Variants in PDE10A observed in about 807,000 individuals in gnomAD.
The protein encoded by PDE10A is cAMP and cAMP-inhibited cGMP 3',5'-cyclic phosphodiesterase 10A.
In PDE10A, 39 loss-of-function variants were observed where a neutral mutation model predicts 97.7. That is an observed-to-expected ratio of 0.40 (90% CI 0.31 to 0.52). The LOEUF (loss-of-function observed/expected upper bound fraction) is 0.52. Ranked by LOEUF, PDE10A falls within the 20% of genes least tolerant of loss-of-function variation. The pLI is 0.56. For missense variants in PDE10A, 731 were observed against 1,047.8 expected (o/e 0.70, Z 4.17); for synonymous variants, 371 against 376.8 (o/e 0.98, Z 0.18).
At chr6:165,794,299 C>G (rs528217235) in intron 1 of PDE10A, among the ~76,000 whole-genome samples, 3 of 151,922 alleles carry the variant, frequency 2.0e-5, no homozygotes, top group Non-Finnish European at 4.4e-5. Flanking sequence ...CCCTCCCACA[C>G]TCACACACGC....
At chr6:165,433,900 C>A (rs1278555934) in intron 6 of PDE10A, among the ~76,000 whole-genome samples, 3 of 151,090 alleles carry the variant, frequency 2.0e-5, no homozygotes, top group Non-Finnish European at 4.4e-5. Flanking sequence ...GCCTGTAGTC[C>A]CAGCTATTCG....
chr6:165,971,552 A>C (rs1784675728), intron 1 of PDE10A, among the ~76,000 whole-genome samples: 2 of 152,182 alleles, frequency 1.3e-5, no homozygotes, highest in African/African-American at 4.8e-5. Flanking sequence ...TTTCATTTTC[A>C]TTTCTCTCTT....
intron 1 of PDE10A, among the ~76,000 whole-genome samples, chr6:165,838,104 C>A (rs1780117964): frequency 6.6e-6 from 1 of 152,212 alleles, no homozygotes; most frequent in South Asian, 2.1e-4. Context: ...TGTAAACCTA[C>A]TGTAATTGTA....
intron 1 of PDE10A, among the ~76,000 whole-genome samples, chr6:165,551,826 A>C (rs1784030883): frequency 6.6e-6 from 1 of 152,228 alleles, no homozygotes; most frequent in African/African-American, 2.4e-5. Context: ...AGGTGGAAAG[A>C]AATCTTTGTA....
At chr6:165,644,357 G>A (rs550393559) in intron 1 of PDE10A, among the ~76,000 whole-genome samples, 2 of 152,244 alleles carry the variant, frequency 1.3e-5, no homozygotes, top group East Asian at 1.9e-4. Flanking sequence ...CACCATGCCC[G>A]GCCAGAAAAG....
chr6:165,987,098 C>G (rs1363535711), intron 1 of PDE10A, among the ~76,000 whole-genome samples: 5 of 152,066 alleles, frequency 3.3e-5, no homozygotes, highest in Non-Finnish European at 7.4e-5. Flanking sequence ...CACACACCAT[C>G]CCTTCTCCAG....
chr6:165,782,130 C>T (rs1778357360), intron 1 of PDE10A, among the ~76,000 whole-genome samples: 1 of 152,166 alleles, frequency 6.6e-6, no homozygotes, highest in African/African-American at 2.4e-5. Context: ...CCTTGAATTC[C>T]TTAAATCAAA....
At chr6:165,385,363 G>A (rs944239702) in intron 17 of PDE10A, among the ~76,000 whole-genome samples, 6 of 152,018 alleles carry the variant, frequency 3.9e-5, no homozygotes, top group Non-Finnish European at 7.4e-5. Flanking sequence ...TCAACTGCTT[G>A]GGCAGAAGTC....
rs201354067 is a variant in PDE10A at position 165,879,924 on chromosome 6, G to T, written c.-615+107605C>A. The stretch of plus-strand genomic sequence containing the variant: ...AGCTTCTCGGTGGATATGAATTCTC[G>T]GGGGGGGACACTCTTTAACCCAGTA... On this transcript the variant is annotated intron_variant, in intron 1 of 19. Transcript: ENST00000366882. Among the ~76,000 whole-genome samples the T allele has an allele frequency of 7.1e-4, 6 of 8,426 alleles. No homozygotes were observed. In the East Asian group the frequency reaches 0.21, roughly 293 times the overall value. 5.5% of individuals were successfully genotyped at this position (8,426 alleles called of 152,430 possible).
chr6:165,617,299 C>T (rs556854351), intron 1 of PDE10A, among the ~76,000 whole-genome samples: 1 of 152,188 alleles, frequency 6.6e-6, no homozygotes, highest in Non-Finnish European at 1.5e-5. Context: ...GACCGCTTTA[C>T]GCATTGCATC....
In PDE10A at chr6:165,745,872, A is replaced by G. The variant is rs576570971; in HGVS notation, c.-614-202304T>C. 5.3e-5 allele frequency among the ~76,000 whole-genome samples: 8 copies of G among 152,376 alleles called. No homozygotes were observed. The South Asian group carries it at 1.4e-3, about 28-fold the overall frequency. Reference sequence around the variant, plus strand: ...AGAGAGGCAGGGTTACTCCTGGTGCAGAAGGATAGTGGTAAGATGAGGCAG... The same window carrying G: ...AGAGAGGCAGGGTTACTCCTGGTGCGGAAGGATAGTGGTAAGATGAGGCAG... On this transcript the variant is annotated intron_variant, in intron 1 of 19. Coordinates refer to the PDE10A transcript ENST00000366882.
At chr6:165,554,366 A>C (rs1318864787) in intron 1 of PDE10A, among the ~76,000 whole-genome samples, 2 of 152,170 alleles carry the variant, frequency 1.3e-5, no homozygotes, top group Non-Finnish European at 2.9e-5. Flanking sequence ...TTAAATAGAC[A>C]TTTCTCAAAA....
chr6:165,470,566 T>C (rs952638458), intron 3 of PDE10A, among the ~76,000 whole-genome samples: 2 of 152,256 alleles, frequency 1.3e-5, no homozygotes, highest in African/African-American at 2.4e-5. Context: ...TTTCTACTCA[T>C]TCATAGAAAA....
intron 13 of PDE10A, among the ~76,000 whole-genome samples, chr6:165,401,241 CAT>C (rs1786638594): frequency 1.3e-5 from 2 of 152,094 alleles, no homozygotes; most frequent in African/African-American, 4.8e-5. Flanking sequence ...AATTTGTATA[CAT>C]GACATATAAA....
At chr6:165,809,136 C>A (rs1779211538) in intron 1 of PDE10A, among the ~76,000 whole-genome samples, 1 of 152,184 alleles carries the variant, frequency 6.6e-6, no homozygotes, top group African/African-American at 2.4e-5. Context: ...TAGCAGAGAA[C>A]CACGTTCTCT....
At chr6:165,821,974 C>A (rs1022601009) in intron 1 of PDE10A, among the ~76,000 whole-genome samples, 1 of 152,116 alleles carries the variant, frequency 6.6e-6, no homozygotes, top group South Asian at 2.1e-4. Flanking sequence ...TGAGTCGTGG[C>A]ATCGTCAGCC....
chr6:165,571,699 T>G (rs1381165522), intron 1 of PDE10A, among the ~76,000 whole-genome samples: 1 of 152,260 alleles, frequency 6.6e-6, no homozygotes, highest in African/African-American at 2.4e-5. Flanking sequence ...CTTAAGTGTT[T>G]AGTACCAGTT....
intron 1 of PDE10A, among the ~76,000 whole-genome samples, chr6:165,886,784 C>G (rs2128481459): frequency 6.6e-6 from 1 of 152,214 alleles, no homozygotes; most frequent in African/African-American, 2.4e-5. Flanking sequence ...AAATGAAGAT[C>G]CTCTCTGGAG....
At position 165,655,674 on chromosome 6, in the gene PDE10A, C is replaced by T. The variant is rs906697915; in HGVS notation, c.865+6273G>A. Among the ~76,000 whole-genome samples, 12 of 152,202 alleles carry T rather than the reference C, an allele frequency of 7.9e-5. No homozygotes were observed. The stretch of plus-strand genomic sequence containing the variant: ...CACGACATCTCCCTTCATTCATTCA[C>T]CAAACTGCAGCCAGAATGAGCTTCT... On this transcript the variant is annotated intron_variant, in intron 1 of 21. Coordinates refer to ENST00000539869, the MANE Select transcript of PDE10A (RefSeq NM_001385079.1). The surrounding 1 kb of genome is among the most constrained non-coding windows in gnomAD (Gnocchi z 4.5).
Sources: gnomAD v4.1 joint callset for allele counts (sites outside exome capture counted in the v4.1 genomes callset) on GRCh38, gnomAD v4.1.1 for gene constraint, Gnocchi (gnomAD v3.1) non-coding constraint, MANE v1.5 for transcripts, NCBI Gene and HGNC (gene_info 2026-07-23, HGNC 2026-07-21) for gene names.